DENND1A: variants seen among roughly 807,000 people sequenced by gnomAD.
DENND1A encodes DENN domain containing 1A, also known as DENN domain-containing protein 1A.
A neutral mutation model predicts 113.7 loss-of-function variants in DENND1A; 51 were observed. The observed-to-expected ratio is 0.45, with a 90% CI of 0.36 to 0.57. The LOEUF is 0.57. Ranked by LOEUF, DENND1A falls within the 20% of genes least tolerant of loss-of-function variation. The pLI is 0.00. For synonymous variants in DENND1A, 565 were observed against 570.8 expected, an observed-to-expected ratio of 0.99 and a Z score of 0.14; for missense variants, 1,258 against 1,395.9, an observed-to-expected ratio of 0.90 and a Z score of 1.57.
At position 123,702,302 on chromosome 9, in the gene DENND1A, T is replaced by C. The variant is rs541692053; in HGVS notation, c.303-25513A>G. 2.0e-5 allele frequency among the ~76,000 whole-genome samples: 3 copies of C among 152,036 alleles called. No individual in the cohort carries two copies. The East Asian group carries it at 5.8e-4, about 29-fold the overall frequency. Reference sequence around the variant, plus strand: ...AAAGGAACGAAGAAAGCTTATGAGATTTACGGAATGGCATCAAAAGAGCAA... The same window carrying C: ...AAAGGAACGAAGAAAGCTTATGAGACTTACGGAATGGCATCAAAAGAGCAA... On this transcript the variant is annotated intron_variant, in intron 5 of 23. Coordinates refer to ENST00000394215, the MANE Select transcript of DENND1A (RefSeq NM_001352964.2).
chr9:123,654,611 AG>A (rs1197650503), intron 8 of DENND1A, among the ~76,000 whole-genome samples: 1 of 152,236 alleles, frequency 6.6e-6, no homozygotes, highest in African/African-American at 2.4e-5. Flanking sequence ...TGAGGGACTC[AG>A]GTGCTTGTTC....
At chr9:123,721,142 C>T (rs887328298) in intron 5 of DENND1A, among the ~76,000 whole-genome samples, 45 of 152,214 alleles carry the variant, frequency 3.0e-4, no homozygotes, top group African/African-American at 1.1e-3. Flanking sequence ...TTCCTCTATG[C>T]TAGAGCCAAA....
intron 3 of DENND1A, among the ~76,000 whole-genome samples, chr9:123,771,516 T>A (rs967760855): frequency 3.3e-5 from 5 of 152,194 alleles, no homozygotes; most frequent in African/African-American, 7.2e-5. Flanking sequence ...AAGAAAGCTA[T>A]CTTTTACCCC....
chr9:123,685,077 C>T (rs1342636967), intron 5 of DENND1A, among the ~76,000 whole-genome samples: 2 of 152,242 alleles, frequency 1.3e-5, no homozygotes, highest in Admixed American at 6.5e-5. Flanking sequence ...GAGCCATGCT[C>T]TTCCTTCCCT....
At chr9:123,677,363 C>T (rs1400975722) in intron 5 of DENND1A, among the ~76,000 whole-genome samples, 1 of 152,164 alleles carries the variant, frequency 6.6e-6, no homozygotes, top group Non-Finnish European at 1.5e-5. Context: ...GGCCATTGCT[C>T]CCCTTCACTC....
At chr9:123,786,639 G>A (rs576808315) in intron 3 of DENND1A, among the ~76,000 whole-genome samples, 3 of 152,246 alleles carry the variant, frequency 2.0e-5, no homozygotes, top group African/African-American at 7.2e-5. Flanking sequence ...TGTTTCTGCT[G>A]CCAAACACAG....
Position 123,381,861 on chromosome 9 carries a change from C to G in DENND1A, c.2784G>C (p.Ala928=). Residue 928 remains alanine (A), a synonymous_variant, in exon 24 of 24, where the codon GCG becomes GCC. Transcript: ENST00000394215. This position sits in a 1 kb window ranked among gnomAD's most constrained non-coding sequence, Gnocchi z 4.7. The part of the protein sequence containing the change: ...APPASLGPAF[A]SGLLLSSAGF... ...CAGCACTGGACAGCAGGAGGCCGGA[C>G]GCAAAAGCCGGCCCCAGGGAAGCTG... 1 of 1,460,808 alleles carries G rather than the reference C, an allele frequency of 6.8e-7. No individual in the cohort carries two copies. The highest frequency in any genetic ancestry group is 9.0e-7 in the Non-Finnish European group (1 of 1,106,780). The allele number at this position is 1,460,808 out of a possible 1,614,324, so 90.5% of individuals were successfully genotyped here.
chr9:123,747,409 C>T (rs2069607618), intron 5 of DENND1A, among the ~76,000 whole-genome samples: 1 of 152,096 alleles, frequency 6.6e-6, no homozygotes, highest in Admixed American at 6.5e-5. Flanking sequence ...TGATGCCTCT[C>T]AGAATTAATT....
At chr9:123,667,888 T>C (rs556305400) in intron 7 of DENND1A, among the ~76,000 whole-genome samples, 4 of 152,246 alleles carry the variant, frequency 2.6e-5, no homozygotes, top group South Asian at 2.1e-4. Flanking sequence ...GCTGAGACCA[T>C]TGCCGATGAC....
intron 4 of DENND1A, 144 bp from the exon 5 acceptor site, chr9:123,757,966 G>A (rs889961521): frequency 1.4e-4 from 59 of 426,770 alleles, no homozygotes; most frequent in African/African-American, 1.3e-3. Context: ...GGAACAGACT[G>A]TAAGCTAGTT....
At chr9:123,507,236 CGG>C (rs1402481905) in intron 13 of DENND1A, among the ~76,000 whole-genome samples, 7 of 152,130 alleles carry the variant, frequency 4.6e-5, no homozygotes, top group Non-Finnish European at 1.0e-4. Context: ...TATTTTTACA[CGG>C]GTAACTGTGC....
chr9:123,435,409 C>G (rs1288479469), intron 19 of DENND1A, among the ~76,000 whole-genome samples: 1 of 152,180 alleles, frequency 6.6e-6, no homozygotes, highest in Non-Finnish European at 1.5e-5. Context: ...GGGCTGCTAT[C>G]CAGACCTCCC....
At chr9:123,623,969 T>C (rs2061079037) in intron 10 of DENND1A, among the ~76,000 whole-genome samples, 1 of 152,218 alleles carries the variant, frequency 6.6e-6, no homozygotes, top group African/African-American at 2.4e-5. Context: ...TGAAAACTCC[T>C]AGCAGCATGT....
intron 1 of DENND1A, among the ~76,000 whole-genome samples, chr9:123,883,193 T>C (rs1848559628): frequency 6.6e-6 from 1 of 152,208 alleles, no homozygotes; most frequent in African/African-American, 2.4e-5. Context: ...ATTCTCCACA[T>C]TATACCTGCC....
chr9:123,394,562 G>A (rs1036939600), intron 21 of DENND1A, among the ~76,000 whole-genome samples: 7 of 152,254 alleles, frequency 4.6e-5, no homozygotes, highest in African/African-American at 1.2e-4. Context: ...GCCTTTATTC[G>A]GGCATTTATT....
chr9:123,656,551 T>C (rs184375532), intron 8 of DENND1A, among the ~76,000 whole-genome samples: 2 of 152,100 alleles, frequency 1.3e-5, no homozygotes, highest in African/African-American at 4.8e-5. Context: ...GAGAAAAAAA[T>C]CTCAAGTGAC....
chr9:123,786,447 C>T (rs139062980), intron 3 of DENND1A, among the ~76,000 whole-genome samples: 2 of 152,242 alleles, frequency 1.3e-5, no homozygotes, highest in African/African-American at 2.4e-5. Context: ...TGCCATTATT[C>T]CACAAAACAT....
intron 2 of DENND1A, among the ~76,000 whole-genome samples, chr9:123,863,032 G>A (rs945566137): frequency 6.6e-6 from 1 of 152,144 alleles, no homozygotes; most frequent in African/African-American, 2.4e-5. Flanking sequence ...CAAACTTTCT[G>A]TAGTATTTGG....
At chr9:123,925,801 A>C (rs188441028) in intron 1 of DENND1A, among the ~76,000 whole-genome samples, 53 of 152,326 alleles carry the variant, frequency 3.5e-4, no homozygotes, top group Non-Finnish European at 5.6e-4. Context: ...AATGTAGAAT[A>C]ATCACCACCA....
Sources: gnomAD v4.1 joint callset for allele counts (sites outside exome capture counted in the v4.1 genomes callset) on GRCh38, gnomAD v4.1.1 for gene constraint, Gnocchi (gnomAD v3.1) non-coding constraint, MANE v1.5 for transcripts, NCBI Gene and HGNC (gene_info 2026-07-23, HGNC 2026-07-21) for gene names.